The following PPIC variants were observed in gnomAD, a reference collection of about 807,000 sequenced individuals.
The protein encoded by PPIC is peptidyl-prolyl cis-trans isomerase C.
PPIC carries 19 observed loss-of-function variants against 19.5 expected under a neutral mutation model. The observed-to-expected ratio is 0.98, with a 90% CI of 0.68 to 1.43. The LOEUF is 1.43. PPIC is among the 40% of genes most tolerant of loss of function. PPIC has a pLI of 0.00. For synonymous variants in PPIC, 107 were observed against 101.2 expected (o/e 1.06, Z -0.34); for missense variants, 268 against 268.6 (o/e 1.00, Z 0.02).
chr5:123,023,635 A>G lies in PPIC; in HGVS notation c.*240T>C. The G allele has an allele frequency of 2.5e-6, 1 of 401,972 alleles. No individual in the cohort carries two copies. The highest frequency in any genetic ancestry group is 3.9e-6 in the Non-Finnish European group (1 of 255,730). 24.9% of individuals were successfully genotyped at this position (401,972 alleles called of 1,614,324 possible). A position where few individuals can be genotyped will look rare whatever the true frequency, so the allele number is the denominator to read the frequency against. On this transcript the variant is annotated 3_prime_UTR_variant, in exon 5 of 5. Transcript: ENST00000306442. ...TCAAAGTTTTTTTTAGTTTTAAAAT[A>G]GCACCACTTGAGGAAGGGGATATAT...
Position 123,036,425 on chromosome 5 carries a change from C to T in PPIC, c.117+84G>A. On this transcript the variant is annotated intron_variant, in intron 1 of 4. Transcript: ENST00000306442. The surrounding 1 kb of genome is among the most constrained non-coding windows in gnomAD (Gnocchi z 4.5). Reference sequence around the variant, plus strand: ...CCCGGGAAGCCTCCACCTCGCCCGCCCTGACACCGAGGTCCCAGTATCCAA... The same window carrying T: ...CCCGGGAAGCCTCCACCTCGCCCGCTCTGACACCGAGGTCCCAGTATCCAA... 7.7e-7 allele frequency: 1 copy of T among 1,290,426 alleles called. No homozygotes were observed. Among genetic ancestry groups the T allele is most frequent in the Non-Finnish European group, 1.1e-6 (1 of 913,720 alleles). The allele number at this position is 1,290,426 out of a possible 1,614,324, so 79.9% of individuals were successfully genotyped here.
intron 4 of PPIC, 38 bp from the exon 5 acceptor site, chr5:123,024,041 C>T: frequency 1.3e-6 from 2 of 1,593,644 alleles, no homozygotes; most frequent in Non-Finnish European, 8.6e-7. Flanking sequence ...TTAATTCTGA[C>T]CAGCAGCTAT....
intron 1 of PPIC, among the ~76,000 whole-genome samples, chr5:123,032,634 CA>C (rs1762958113): frequency 6.6e-6 from 1 of 152,166 alleles, no homozygotes; most frequent in African/African-American, 2.4e-5. Context: ...CCTCTGGGAA[CA>C]AAACCCAGTG....
intron 4 of PPIC, 134 bp downstream of exon 4, chr5:123,025,650 T>G (rs1280458043): frequency 1.1e-5 from 10 of 875,710 alleles, no homozygotes; most frequent in Non-Finnish European, 1.7e-5. Context: ...CATATATAAT[T>G]TATTCACCTT....
chr5:123,031,082 C>T (rs935244385), intron 1 of PPIC, among the ~76,000 whole-genome samples: 14 of 152,220 alleles, frequency 9.2e-5, no homozygotes, highest in African/African-American at 3.4e-4. Flanking sequence ...TAATTTTTTT[C>T]CCCAAATTGA....
At position 123,036,565 on chromosome 5, in the gene PPIC, C is replaced by T. The variant is rs888193530; in HGVS notation, c.61G>A (p.Val21Met). The change falls in exon 1 of 5, where the codon GTG (valine) becomes ATG (methionine). Residue 21 changes from valine (V) to methionine (M), a missense_variant. Val to Met is a conservative substitution (Grantham distance 21). Coordinates refer to ENST00000306442, the MANE Select transcript of PPIC (RefSeq NM_000943.5). The surrounding 1 kb of genome is among the most constrained non-coding windows in gnomAD (Gnocchi z 4.5). ...AAGCCCTCGGCCCCCGAAGAAAACACAAGTGCGCCGAGCCCCACGCAAAGC... is the reference window on the plus strand; with the variant it reads ...AAGCCCTCGGCCCCCGAAGAAAACATAAGTGCGCCGAGCCCCACGCAAAGC... Reference protein sequence around the residue: ...LVLCVGLGALVFSSGAEGFRK... With the variant: ...LVLCVGLGALMFSSGAEGFRK... The T allele has an allele frequency of 5.0e-6, 8 of 1,602,868 alleles. No individual in the cohort carries two copies. Among genetic ancestry groups the T allele is most frequent in the Admixed American group, 1.7e-5 (1 of 58,710 alleles).
intron 3 of PPIC, among the ~76,000 whole-genome samples, chr5:123,027,657 CA>C (rs1309495406): frequency 6.6e-6 from 1 of 152,146 alleles, no homozygotes; most frequent in African/African-American, 2.4e-5. Flanking sequence ...CCTGGCAAAT[CA>C]AAGCACTTAA....
Position 123,036,158 on chromosome 5 carries a change from C to T in PPIC, c.117+351G>A. ...GTTCTGCTCCCGAGCCCAGGCCACGCTGAAGGAAGTACTTGGGCAGTCTCT... is the reference window on the plus strand; with the variant it reads ...GTTCTGCTCCCGAGCCCAGGCCACGTTGAAGGAAGTACTTGGGCAGTCTCT... On this transcript the variant is annotated intron_variant, in intron 1 of 4. Coordinates refer to ENST00000306442, the MANE Select transcript of PPIC (RefSeq NM_000943.5). This position sits in a 1 kb window ranked among gnomAD's most constrained non-coding sequence, Gnocchi z 4.5. 7.4e-6 allele frequency: 2 copies of T among 270,410 alleles called. No homozygotes were observed. The highest frequency in any genetic ancestry group is 8.4e-5 in the South Asian group (2 of 23,946). 16.8% of individuals were successfully genotyped at this position (270,410 alleles called of 1,614,324 possible). A position where few individuals can be genotyped will look rare whatever the true frequency, so the allele number is the denominator to read the frequency against.
chr5:123,029,424 T>C lies in PPIC; in HGVS notation c.118-6A>G, dbSNP rs1762914320. ...ATCCTCACATCAAAGAAGACCTGTG[T>C]GCAGTTGAAAGGCAAAGTGGAAGGT... On this transcript the variant is annotated splice_polypyrimidine_tract_variant and splice_region_variant and intron_variant, in intron 1 of 4. Transcript: ENST00000306442. The C allele has an allele frequency of 6.4e-7, 1 of 1,572,974 alleles. No individual in the cohort carries two copies. Among genetic ancestry groups the C allele is most frequent in the Non-Finnish European group, 8.6e-7 (1 of 1,159,780 alleles).
intron 1 of PPIC, among the ~76,000 whole-genome samples, chr5:123,034,147 G>C (rs1762974071): frequency 6.6e-6 from 1 of 152,174 alleles, no homozygotes; most frequent in Admixed American, 6.5e-5. Flanking sequence ...CAATACACTA[G>C]AGCAATGGCC....
In PPIC at chr5:123,028,800, G is replaced by A; in HGVS notation, c.300C>T (p.Asp100=). ...CCCCAGTGCCATCTCCAGTGGTGATGTCACCTCCTTGAATCATGAAATCCT... is the reference window on the plus strand; with the variant it reads ...CCCCAGTGCCATCTCCAGTGGTGATATCACCTCCTTGAATCATGAAATCCT... ...VIKDFMIQGG[D]ITTGDGTGGV... is the part of the protein sequence containing the mutation. Residue 100 remains aspartate, a synonymous_variant, in exon 3 of 5, where the codon GAC becomes GAT. Coordinates refer to ENST00000306442, the MANE Select transcript of PPIC (RefSeq NM_000943.5). 2 of 1,613,658 alleles carry A rather than the reference G, an allele frequency of 1.2e-6. No individual in the cohort carries two copies. Among genetic ancestry groups the A allele is most frequent in the Non-Finnish European group, 1.7e-6 (2 of 1,179,564 alleles).
chr5:123,032,444 G>A (rs1762956079), intron 1 of PPIC, among the ~76,000 whole-genome samples: 1 of 152,188 alleles, frequency 6.6e-6, no homozygotes. Context: ...TAGTTCCCCA[G>A]TGGCCAGCTA....
chr5:123,036,621 C>T lies in PPIC; in HGVS notation c.5G>A (p.Gly2Asp). Residue 2 changes from glycine to aspartate, a missense_variant, in exon 1 of 5, where the codon GGC becomes GAC. Gly to Asp is a moderately conservative substitution (Grantham distance 94). Coordinates refer to ENST00000306442, the MANE Select transcript of PPIC (RefSeq NM_000943.5). This position sits in a 1 kb window ranked among gnomAD's most constrained non-coding sequence, Gnocchi z 4.5. Reference protein sequence around the residue: MGPGPRLLLPLV... With the variant: MDPGPRLLLPLV... ...AGGTAGCAGCAGCCGAGGACCCGGG[C>T]CCATGGTGAGCGGTGGCAGCGGCGC... 1 of 1,584,644 alleles carries T rather than the reference C, an allele frequency of 6.3e-7. No individual in the cohort carries two copies. The highest frequency in any genetic ancestry group is 8.6e-7 in the Non-Finnish European group (1 of 1,167,060).
At chr5:123,027,899 G>T (rs1487298215) in intron 3 of PPIC, among the ~76,000 whole-genome samples, 1 of 152,176 alleles carries the variant, frequency 6.6e-6, no homozygotes, top group African/African-American at 2.4e-5. Context: ...TATGGAGCTG[G>T]ATAGCTATAA....
intron 1 of PPIC, among the ~76,000 whole-genome samples, chr5:123,031,023 T>G (rs1762933217): frequency 6.6e-6 from 1 of 152,162 alleles, no homozygotes; most frequent in Non-Finnish European, 1.5e-5. Context: ...ACATAACTCT[T>G]CAGCAAAAAT....
At chr5:123,024,700 GT>G (rs1305365956) in intron 4 of PPIC, among the ~76,000 whole-genome samples, 1 of 152,218 alleles carries the variant, frequency 6.6e-6, no homozygotes, top group Non-Finnish European at 1.5e-5. Context: ...TCCCAAACTT[GT>G]GTTAGATAGA....
At chr5:123,032,128 TG>T (rs1464959316) in intron 1 of PPIC, among the ~76,000 whole-genome samples, 4 of 152,104 alleles carry the variant, frequency 2.6e-5, no homozygotes, top group Non-Finnish European at 5.9e-5. Flanking sequence ...GGGCAGACAC[TG>T]GAGGAGGAGC....
chr5:123,032,615 T>C lies in PPIC; in HGVS notation c.118-3197A>G, dbSNP rs572823476. On this transcript the variant is annotated intron_variant, in intron 1 of 4. Coordinates refer to ENST00000306442, the MANE Select transcript of PPIC (RefSeq NM_000943.5). ...TCACCACTGGATTCATCTCTGATGTTGCTGAGTGCCTCTGGGAACAAAACC... is the reference window on the plus strand; with the variant it reads ...TCACCACTGGATTCATCTCTGATGTCGCTGAGTGCCTCTGGGAACAAAACC... 7.2e-5 allele frequency among the ~76,000 whole-genome samples: 11 copies of C among 152,306 alleles called. No individual in the cohort carries two copies. The South Asian group carries it at 2.1e-3, about 29-fold the overall frequency.
rs1762901816 is a variant in PPIC, at chr5:123,028,863, T to G, written c.237A>C (p.Gly79=). Residue 79 remains glycine (G), a synonymous_variant, in exon 3 of 5, where the codon GGA becomes GGC. Coordinates refer to ENST00000306442, the MANE Select transcript of PPIC (RefSeq NM_000943.5). The part of the protein sequence containing the change: ...NFVALATGEK[G]YGYKGSKFHR... ...GAAACTTGCTTCCTTTATATCCATATCCTTTCTAAAGAGATTACTTCAGTT... is the reference window on the plus strand; with the variant it reads ...GAAACTTGCTTCCTTTATATCCATAGCCTTTCTAAAGAGATTACTTCAGTT... 1 of 1,604,894 alleles carries G rather than the reference T, an allele frequency of 6.2e-7. No homozygotes were observed. Among genetic ancestry groups the G allele is most frequent in the Non-Finnish European group, 8.5e-7 (1 of 1,171,838 alleles).
Sources: allele counts gnomAD v4.1 joint callset (sites outside exome capture counted in the v4.1 genomes callset), GRCh38; gene constraint gnomAD v4.1.1; non-coding constraint Gnocchi (gnomAD v3.1); transcripts MANE v1.5; gene names NCBI Gene and HGNC (gene_info 2026-07-23, HGNC 2026-07-21).